Variants in IQCJ observed in about 807,000 individuals in gnomAD.
IQCJ encodes the protein IQ motif containing J, also known as IQ domain-containing protein J.
A neutral mutation model predicts 11.0 loss-of-function variants in IQCJ; 9 were observed. That is an observed-to-expected ratio of 0.82 (90% confidence interval 0.49 to 1.43). The LOEUF is 1.43. IQCJ is among the 40% of genes most tolerant of loss of function. The pLI, the probability that IQCJ is intolerant of heterozygous loss-of-function variation, is 0.00. For synonymous variants in IQCJ, 55 were observed against 51.3 expected, an observed-to-expected ratio of 1.07 and a Z score of -0.31; for missense variants, 146 against 133.2, an observed-to-expected ratio of 1.10 and a Z score of -0.47.
At chr3:159,142,488 C>T (rs575329327) in intron 1 of IQCJ, among the ~76,000 whole-genome samples, 26 of 151,846 alleles carry the variant, frequency 1.7e-4, no homozygotes, top group Non-Finnish European at 3.2e-4. Context: ...GTGATCTTGG[C>T]TCACTGCAAT....
chr3:159,159,346 A>T (rs987019262), intron 1 of IQCJ, among the ~76,000 whole-genome samples: 1 of 152,158 alleles, frequency 6.6e-6, no homozygotes, highest in Non-Finnish European at 1.5e-5. Flanking sequence ...ATTCAAGTAT[A>T]TCAAAGGTGT....
intron 1 of IQCJ, among the ~76,000 whole-genome samples, chr3:159,152,734 C>T (rs779099439): frequency 4.6e-5 from 7 of 152,192 alleles, no homozygotes; most frequent in Non-Finnish European, 1.0e-4. Flanking sequence ...CTCTAACTCA[C>T]ATTCTAGTAA....
intron 1 of IQCJ, among the ~76,000 whole-genome samples, chr3:159,073,058 T>G (rs1715683895): frequency 6.6e-6 from 1 of 152,032 alleles, no homozygotes; most frequent in Non-Finnish European, 1.5e-5. Context: ...AGGGAGAGCC[T>G]TCTGACCACA....
rs141901619 is a variant in IQCJ at position 159,091,288 on chromosome 3, C to A, written c.9+21847C>A. Among the ~76,000 whole-genome samples, 222 of 151,894 alleles carry A rather than the reference C, an allele frequency of 1.5e-3. 3 individuals are homozygous for A. In the South Asian group the frequency reaches 0.016, roughly 11 times the overall value. ...GCCGTATTAACAACAAAAATTATTT[C>A]TCTTGGTTCTGCAGGCTAGAAGTCC... On this transcript the variant is annotated intron_variant, in intron 1 of 3. Coordinates refer to ENST00000397832, the MANE Select transcript of IQCJ (RefSeq NM_001042706.3).
chr3:159,128,936 C>T (rs1719833838), intron 1 of IQCJ, among the ~76,000 whole-genome samples: 1 of 152,138 alleles, frequency 6.6e-6, no homozygotes, highest in Non-Finnish European at 1.5e-5. Context: ...CTTTGCTCAT[C>T]CTGTTTCTTC....
intron 1 of IQCJ, among the ~76,000 whole-genome samples, chr3:159,091,419 T>C (rs1382560038): frequency 6.6e-6 from 1 of 151,724 alleles, no homozygotes; most frequent in Non-Finnish European, 1.5e-5. Context: ...TGGAAAGAGT[T>C]ATAGAGAGCT....
intron 1 of IQCJ, among the ~76,000 whole-genome samples, chr3:159,205,555 T>C (rs575243181): frequency 2.5e-4 from 38 of 152,350 alleles, no homozygotes; most frequent in African/African-American, 8.4e-4. Flanking sequence ...ACTGAAGGTC[T>C]TCCTGGAGTG....
chr3:159,200,525 CTT>C (rs1327465576), intron 1 of IQCJ, among the ~76,000 whole-genome samples: 1 of 152,084 alleles, frequency 6.6e-6, no homozygotes, highest in East Asian at 1.9e-4. Flanking sequence ...AGGGAGGGGA[CTT>C]GCAGAATTAA....
intron 3 of IQCJ, among the ~76,000 whole-genome samples, chr3:159,256,548 C>G (rs543075694): frequency 1.3e-5 from 2 of 152,174 alleles, no homozygotes; most frequent in African/African-American, 4.8e-5. Flanking sequence ...AGGTTCAAAT[C>G]CCAGCTCTGC....
chr3:159,231,715 C>A (rs1231720644), intron 1 of IQCJ, among the ~76,000 whole-genome samples: 1 of 152,062 alleles, frequency 6.6e-6, no homozygotes, highest in Admixed American at 6.5e-5. Context: ...GTACCAGATC[C>A]TCTTTGTACC....
At chr3:159,236,285 A>AAAC (rs1726584998) in intron 1 of IQCJ, among the ~76,000 whole-genome samples, 1 of 151,828 alleles carries the variant, frequency 6.6e-6, no homozygotes, top group Admixed American at 6.6e-5. Flanking sequence ...AAAAAAAAAA[A>AAAC]ACCAAGGAAT....
chr3:159,207,412 GA>G (rs1435540473), intron 1 of IQCJ, among the ~76,000 whole-genome samples: 27 of 151,922 alleles, frequency 1.8e-4, no homozygotes, highest in Admixed American at 6.6e-5. Flanking sequence ...AATAAAATAT[GA>G]AAGTTAAGAG....
At chr3:159,265,635 G>A, downstream of IQCJ, 1 of 407,772 alleles carries the variant, frequency 2.5e-6, no homozygotes, top group Non-Finnish European at 4.4e-6. Flanking sequence ...TCTTTCTCTG[G>A]GTTTAATCTA....
chr3:159,129,013 C>A (rs1159463356), intron 1 of IQCJ, among the ~76,000 whole-genome samples: 1 of 152,072 alleles, frequency 6.6e-6, no homozygotes, highest in Non-Finnish European at 1.5e-5. Context: ...CTAAAAACAA[C>A]CACGCATACC....
intron 1 of IQCJ, among the ~76,000 whole-genome samples, chr3:159,073,998 G>A (rs1192921333): frequency 6.6e-6 from 1 of 152,098 alleles, no homozygotes. Flanking sequence ...ATGATTTGGA[G>A]GTGATTAGAA....
intron 1 of IQCJ, among the ~76,000 whole-genome samples, chr3:159,142,432 CA>C (rs11320780): frequency 0.59 from 87,759 of 148,796 alleles, 26,985 homozygotes; most frequent in Non-Finnish European, 0.69. Flanking sequence ...TTCCCCCCCC[CA>C]CCAGATGGAG....
intron 1 of IQCJ, among the ~76,000 whole-genome samples, chr3:159,132,415 T>C (rs574288680): frequency 3.3e-5 from 5 of 152,334 alleles, no homozygotes; most frequent in East Asian, 3.9e-4. Flanking sequence ...CCCTAAATGA[T>C]TGAGTTAACA....
chr3:159,183,465 C>T (rs912912032), intron 1 of IQCJ, among the ~76,000 whole-genome samples: 3 of 152,078 alleles, frequency 2.0e-5, no homozygotes, highest in Admixed American at 6.5e-5. Context: ...ATTTCAGGCC[C>T]AAATTTTAAA....
intron 1 of IQCJ, among the ~76,000 whole-genome samples, chr3:159,089,952 G>T (rs1047172445): frequency 1.1e-4 from 17 of 151,888 alleles, no homozygotes; most frequent in African/African-American, 4.1e-4. Flanking sequence ...GCTTTGTTCT[G>T]TTGCTGTTGA....
Sources: allele counts gnomAD v4.1 joint callset (sites outside exome capture counted in the v4.1 genomes callset), GRCh38; gene constraint gnomAD v4.1.1; transcripts MANE v1.5; gene names NCBI Gene and HGNC (gene_info 2026-07-23, HGNC 2026-07-21).